CTNNBL1: variants seen among roughly 807,000 people sequenced by gnomAD.
CTNNBL1 encodes the protein catenin beta like 1.
Under a neutral mutation model 72.7 loss-of-function variants are expected in CTNNBL1, and 31 were observed. The ratio of observed to expected loss-of-function variants is 0.43; its 90% CI spans 0.32 to 0.58. The LOEUF is 0.58. Ranked by LOEUF, CTNNBL1 falls within the 20% of genes least tolerant of loss-of-function variation. The probability of loss-of-function intolerance (pLI) is 0.08; values close to 1 mark genes in which losing one functional copy is unlikely to be tolerated. For missense variants in CTNNBL1, 534 were observed against 725.1 expected, an observed-to-expected ratio of 0.74 and a Z score of 3.03; for synonymous variants, 240 against 267.3, an observed-to-expected ratio of 0.90 and a Z score of 1.00.
At position 37,732,972 on chromosome 20, in the gene CTNNBL1, C is replaced by T. The variant is rs760728264; in HGVS notation, c.124C>T (p.Arg42Trp). ...QTGTRERGRY[R>W]EEEMTVVEEA... ...TGGTACTCGAGAACGCGGCCGCTATCGGGAAGAAGAAATGACTGTGGTGGA... is the reference window on the plus strand; with the variant it reads ...TGGTACTCGAGAACGCGGCCGCTATTGGGAAGAAGAAATGACTGTGGTGGA... The change falls in exon 2 of 16, where the codon CGG becomes TGG. Residue 42 changes from arginine (R) to tryptophan (W), a missense_variant. Coordinates refer to ENST00000361383, the MANE Select transcript of CTNNBL1 (RefSeq NM_030877.5). The T allele has an allele frequency of 2.1e-5, 34 of 1,613,762 alleles. No homozygotes were observed. Among genetic ancestry groups the T allele is most frequent in the South Asian group, 1.5e-4 (14 of 91,058 alleles).
At chr20:37,808,236 A>G (rs2071977416) in intron 11 of CTNNBL1, among the ~76,000 whole-genome samples, 1 of 152,220 alleles carries the variant, frequency 6.6e-6, no homozygotes, top group South Asian at 2.1e-4. Context: ...AAGTGATTCC[A>G]GTGGACTCCA....
chr20:37,853,823 C>T (rs1388153686), intron 13 of CTNNBL1, among the ~76,000 whole-genome samples: 1 of 152,226 alleles, frequency 6.6e-6, no homozygotes, highest in Non-Finnish European at 1.5e-5. Context: ...TATTTGGCTT[C>T]CCTGAATCCA....
intron 1 of CTNNBL1, among the ~76,000 whole-genome samples, chr20:37,729,540 T>A (rs1214086161): frequency 6.6e-6 from 1 of 152,204 alleles, no homozygotes; most frequent in African/African-American, 2.4e-5. Context: ...CTTTTAATTG[T>A]GGCCCACTGC....
At chr20:37,829,825 A>G (rs1230305881) in intron 11 of CTNNBL1, among the ~76,000 whole-genome samples, 2 of 151,784 alleles carry the variant, frequency 1.3e-5, no homozygotes, top group Non-Finnish European at 2.9e-5. Flanking sequence ...CATTTTCTAT[A>G]ATGTAATTTT....
chr20:37,694,907 C>T (rs953714738), intron 1 of CTNNBL1: 1 of 152,242 alleles, frequency 6.6e-6, no homozygotes, highest in Non-Finnish European at 1.5e-5. Context: ...CAAAGTTTTT[C>T]CCCCACTTTG....
chr20:37,767,096 A>T (rs753037856), intron 6 of CTNNBL1, among the ~76,000 whole-genome samples: 5 of 152,000 alleles, frequency 3.3e-5, no homozygotes, highest in Admixed American at 1.3e-4. Flanking sequence ...TGATTTCTTC[A>T]GCCCTTTCTC....
intron 10 of CTNNBL1, among the ~76,000 whole-genome samples, chr20:37,782,984 TAC>T (rs1169592625): frequency 1.3e-5 from 2 of 152,220 alleles, no homozygotes; most frequent in Non-Finnish European, 2.9e-5. Context: ...GCTCAGTAGC[TAC>T]ACAGTGTCTA....
chr20:37,818,134 C>T (rs1443537887), intron 11 of CTNNBL1, among the ~76,000 whole-genome samples: 5 of 152,188 alleles, frequency 3.3e-5, no homozygotes, highest in Non-Finnish European at 7.3e-5. Context: ...CCTCAACTGA[C>T]TTCTTCCATG....
At chr20:37,715,580 G>A (rs1160874698) in intron 1 of CTNNBL1, among the ~76,000 whole-genome samples, 1 of 152,128 alleles carries the variant, frequency 6.6e-6, no homozygotes, top group East Asian at 1.9e-4. Flanking sequence ...GGCCCATTCT[G>A]GCTCACTTAT....
At chr20:37,800,445 A>G (rs1246193899) in intron 10 of CTNNBL1, among the ~76,000 whole-genome samples, 1 of 152,122 alleles carries the variant, frequency 6.6e-6, no homozygotes, top group East Asian at 1.9e-4. Context: ...GAAGGTTGCT[A>G]GTGGCTTCCT....
chr20:37,763,116 G>A (rs866152062), intron 5 of CTNNBL1, among the ~76,000 whole-genome samples: 2 of 152,342 alleles, frequency 1.3e-5, no homozygotes, highest in South Asian at 2.1e-4. Context: ...GATACCCAGT[G>A]GAGTGGCGGT....
rs112081774 is a variant in CTNNBL1 at position 37,802,729 on chromosome 20, G to A, written c.1032-138G>A. 5,070 of 631,776 alleles carry A rather than the reference G, an allele frequency of 8.0e-3. 60 individuals carry two copies. The highest frequency in any genetic ancestry group is 7.4e-3 in the Non-Finnish European group (2,798 of 378,926). The allele number at this position is 631,776 out of a possible 1,614,324, so 39.1% of individuals were successfully genotyped here. On this transcript the variant is annotated intron_variant, in intron 10 of 15. Transcript: ENST00000361383. Reference sequence around the variant, plus strand: ...AGAATTTGTCCACCCTATTGTAGACGTCTTCTCCTAATTGTTAACAAGTAT... The same window carrying A: ...AGAATTTGTCCACCCTATTGTAGACATCTTCTCCTAATTGTTAACAAGTAT...
intron 13 of CTNNBL1, among the ~76,000 whole-genome samples, chr20:37,844,607 G>A (rs1309531714): frequency 6.6e-6 from 1 of 152,082 alleles, no homozygotes; most frequent in Non-Finnish European, 1.5e-5. Flanking sequence ...TGTAAAATTA[G>A]AATAAAAACA....
At chr20:37,858,333 T>C (rs1432945779) in intron 13 of CTNNBL1, among the ~76,000 whole-genome samples, 1 of 152,168 alleles carries the variant, frequency 6.6e-6, no homozygotes, top group Non-Finnish European at 1.5e-5. Flanking sequence ...CAGACAGAGA[T>C]AGCTGGTGGG....
At chr20:37,869,782 C>T (rs1045151611) in intron 15 of CTNNBL1, among the ~76,000 whole-genome samples, 5 of 152,164 alleles carry the variant, frequency 3.3e-5, no homozygotes, top group South Asian at 2.1e-4. Context: ...GTTCCCTGGA[C>T]GTTTGTTATT....
chr20:37,745,636 G>C (rs190448954), intron 3 of CTNNBL1, among the ~76,000 whole-genome samples: 2 of 152,264 alleles, frequency 1.3e-5, no homozygotes, highest in South Asian at 2.1e-4. Context: ...TTCAAACCCA[G>C]GTAGTCTGAC....
chr20:37,816,790 C>CAA (rs758055546), intron 11 of CTNNBL1, among the ~76,000 whole-genome samples: 6 of 124,020 alleles, frequency 4.8e-5, no homozygotes, highest in South Asian at 2.6e-4. Context: ...TTGATAATCA[C>CAA]AAAAAAAAAA....
intron 13 of CTNNBL1, among the ~76,000 whole-genome samples, chr20:37,859,058 T>C (rs1280954154): frequency 6.6e-6 from 1 of 152,092 alleles, no homozygotes; most frequent in Admixed American, 6.5e-5. Flanking sequence ...AAACCCACCA[T>C]AAATTGAAAA....
intron 7 of CTNNBL1, among the ~76,000 whole-genome samples, chr20:37,776,076 T>A (rs968976724): frequency 1.3e-5 from 2 of 152,246 alleles, no homozygotes; most frequent in Non-Finnish European, 2.9e-5. Flanking sequence ...ATGAAACCAT[T>A]TTTCTTAAAG....
Sources: allele counts gnomAD v4.1 joint callset (sites outside exome capture counted in the v4.1 genomes callset), GRCh38; gene constraint gnomAD v4.1.1; transcripts MANE v1.5; gene names NCBI Gene and HGNC (gene_info 2026-07-23, HGNC 2026-07-21).